Variants in LYSMD1 observed in about 807,000 individuals in gnomAD.
LYSMD1 encodes the protein LysM domain containing 1.
LYSMD1 carries 9 observed loss-of-function variants against 19.3 expected under a neutral mutation model. That is an observed-to-expected ratio of 0.47 (90% CI 0.28 to 0.81). The LOEUF is 0.81. Among genes scored for constraint, LYSMD1 ranks in the 40% least tolerant of loss-of-function variants. The pLI, the probability that LYSMD1 is intolerant of heterozygous loss-of-function variation, is 0.11. For synonymous variants in LYSMD1, 111 were observed against 111.7 expected (o/e 0.99, Z 0.04); for missense variants, 262 against 279.8 (o/e 0.94, Z 0.45).
the LYSMD1 span, among the ~76,000 whole-genome samples, chr1:151,148,774 A>G: frequency 6.6e-6 from 1 of 151,864 alleles, no homozygotes; most frequent in Non-Finnish European, 1.5e-5. Flanking sequence ...CAGCATGGAT[A>G]AAAAAAAGGT....
chr1:151,157,911 T>C (rs1683278421), downstream of LYSMD1, among the ~76,000 whole-genome samples: 1 of 152,226 alleles, frequency 6.6e-6, no homozygotes, highest in Non-Finnish European at 1.5e-5. Flanking sequence ...ATGAGTTGCG[T>C]TTGATCTTGG....
chr1:151,161,405 G>A (rs1477841048), intron 2 of LYSMD1, among the ~76,000 whole-genome samples: 2 of 152,026 alleles, frequency 1.3e-5, no homozygotes, highest in South Asian at 2.1e-4. Context: ...GCTGAGGCAG[G>A]AGAATGGCGT....
At chr1:151,158,626 A>G, downstream of LYSMD1, 4 of 1,334,040 alleles carry the variant, frequency 3.0e-6, no homozygotes, top group Non-Finnish European at 4.1e-6. Context: ...GGGAAAAGCC[A>G]TTTCTCTCTT....
Position 151,160,743 on chromosome 1 carries a change from C to A in LYSMD1, c.*139G>T, listed in dbSNP as rs1437287608. The A allele has an allele frequency of 9.2e-7, 1 of 1,090,372 alleles. No individual in the cohort carries two copies. The allele number at this position is 1,090,372 out of a possible 1,614,324, so 67.5% of individuals were successfully genotyped here. On this transcript the variant is annotated 3_prime_UTR_variant, in exon 3 of 3. Transcript: ENST00000368908. ...CTGCCCCAGGCCAAGGAATTTTTGGCAGACAAGGAGGCTGGGGAGGATGGC... is the reference window on the plus strand; with the variant it reads ...CTGCCCCAGGCCAAGGAATTTTTGGAAGACAAGGAGGCTGGGGAGGATGGC...
At chr1:151,158,097 G>A (rs1208637265), downstream of LYSMD1, among the ~76,000 whole-genome samples, 1 of 152,148 alleles carries the variant, frequency 6.6e-6, no homozygotes, top group Non-Finnish European at 1.5e-5. Context: ...GGCCGAGGTG[G>A]GCAGATCATG....
chr1:151,149,567 A>G, the LYSMD1 span, among the ~76,000 whole-genome samples: 6 of 151,952 alleles, frequency 3.9e-5, no homozygotes, highest in Non-Finnish European at 8.8e-5. Flanking sequence ...CTGGGCAACA[A>G]CAGTGAAACC....
chr1:151,159,155 C>G (rs587595300), downstream of LYSMD1: 71 of 1,614,210 alleles, frequency 4.4e-5, no homozygotes, highest in East Asian at 1.5e-3. Flanking sequence ...TTCTCTGACC[C>G]AGGTCTGCTC....
downstream of LYSMD1, chr1:151,159,344 A>G: frequency 7.8e-7 from 1 of 1,286,760 alleles, no homozygotes. Context: ...CCTGGCACTA[A>G]CACTTTTCAA....
downstream of LYSMD1, among the ~76,000 whole-genome samples, chr1:151,156,025 G>A (rs1057167733): frequency 1.0e-4 from 15 of 148,832 alleles, no homozygotes; most frequent in Admixed American, 8.7e-4. Flanking sequence ...ACTTGAACCC[G>A]GGAGGCAGAG....
chr1:151,165,697 A>C lies in LYSMD1; in HGVS notation c.-439T>G. 1.3e-6 allele frequency: 2 copies of C among 1,551,630 alleles called. No homozygotes were observed. The highest frequency in any genetic ancestry group is 1.7e-6 in the Non-Finnish European group (2 of 1,146,982). On this transcript the variant is annotated 5_prime_UTR_variant, in exon 1 of 3. Transcript: ENST00000368908. ...AACAAATCAGGCCCACCCCAGGTGA[A>C]CTGTCGCCGCAGACGAAGAGCGTGA...
chr1:151,165,896 A>AG lies in LYSMD1; in HGVS notation c.-639dup. Reference sequence around the variant, plus strand: ...ATCCAGTTGAGCGGCAAGGTCTTTGAGAAAAGACTTCATTTCCCAAAAGGC... The same window carrying AG: ...ATCCAGTTGAGCGGCAAGGTCTTTGAGGAAAAGACTTCATTTCCCAAAAGGC... On this transcript the variant is annotated 5_prime_UTR_variant, in exon 1 of 3. Coordinates refer to ENST00000368908, the MANE Select transcript of LYSMD1 (RefSeq NM_212551.5). 2 of 963,812 alleles carry AG rather than the reference A, an allele frequency of 2.1e-6. No individual in the cohort carries two copies. The highest frequency in any genetic ancestry group is 1.4e-5 in the South Asian group (1 of 70,694). The allele number at this position is 963,812 out of a possible 1,614,324, so 59.7% of individuals were successfully genotyped here. A position where few individuals can be genotyped will look rare whatever the true frequency, so the allele number is the denominator to read the frequency against.
At chr1:151,159,288 T>C, downstream of LYSMD1, 2 of 1,574,446 alleles carry the variant, frequency 1.3e-6, no homozygotes, top group Non-Finnish European at 1.7e-6. Flanking sequence ...CTTGACAAAA[T>C]GGTTGACTGA....
At position 151,159,864 on chromosome 1, in the gene LYSMD1, G is replaced by A. The variant is rs769552218; in HGVS notation, c.*1018C>T. 4 of 167,056 alleles carry A rather than the reference G, an allele frequency of 2.4e-5. No individual in the cohort carries two copies. The highest frequency in any genetic ancestry group is 5.8e-5 in the Non-Finnish European group (4 of 68,454). 10.3% of individuals were successfully genotyped at this position (167,056 alleles called of 1,614,324 possible). On this transcript the variant is annotated 3_prime_UTR_variant, in exon 3 of 3. Transcript: ENST00000368908. Reference sequence around the variant, plus strand: ...TCTCATCATTTCCAAACAGGAGACTGAGGCAGATTTCCATTATTACTGAGG... The same window carrying A: ...TCTCATCATTTCCAAACAGGAGACTAAGGCAGATTTCCATTATTACTGAGG...
In LYSMD1 at chr1:151,165,738, G is replaced by A. The variant is rs2101697891; in HGVS notation, c.-480C>T. 1.5e-5 allele frequency: 23 copies of A among 1,551,724 alleles called. No homozygotes were observed. The highest frequency in any genetic ancestry group is 2.0e-5 in the Non-Finnish European group (23 of 1,147,004). ...AAGAGCGTGAGGATTGCAAGAATTT[G>A]TAGTACACCTTCCACTCAGAGATCC... is the stretch of plus-strand genomic sequence containing the variant. On this transcript the variant is annotated 5_prime_UTR_variant, in exon 1 of 3. Coordinates refer to ENST00000368908, the MANE Select transcript of LYSMD1 (RefSeq NM_212551.5).
the LYSMD1 span, among the ~76,000 whole-genome samples, chr1:151,152,959 A>C: frequency 6.6e-6 from 1 of 152,198 alleles, no homozygotes; most frequent in African/African-American, 2.4e-5. Context: ...CAAAGTAGAA[A>C]TTGCTCAAAA....
downstream of LYSMD1, chr1:151,158,951 C>T: frequency 6.2e-7 from 1 of 1,614,256 alleles, no homozygotes; most frequent in Non-Finnish European, 8.5e-7. Flanking sequence ...AGTGAGCTGG[C>T]CCTGGCTACC....
chr1:151,153,935 AGAGT>A, the LYSMD1 span, among the ~76,000 whole-genome samples: 49 of 151,812 alleles, frequency 3.2e-4, no homozygotes, highest in Non-Finnish European at 5.9e-4. Context: ...CCTGGGCGAC[AGAGT>A]GAGACTCTGT....
the LYSMD1 span, among the ~76,000 whole-genome samples, chr1:151,150,736 C>CTTT: frequency 4.0e-5 from 5 of 125,120 alleles, no homozygotes; most frequent in East Asian, 2.1e-4. Flanking sequence ...CTTTTCTTTT[C>CTTT]TTTTTTTTTT....
At position 151,165,743 on chromosome 1, in the gene LYSMD1, A is replaced by G. The variant is rs767336208; in HGVS notation, c.-485T>C. ...CGTGAGGATTGCAAGAATTTGTAGT[A>G]CACCTTCCACTCAGAGATCCTCAAA... On this transcript the variant is annotated 5_prime_UTR_variant, in exon 1 of 3. Coordinates refer to ENST00000368908, the MANE Select transcript of LYSMD1 (RefSeq NM_212551.5). 214 of 1,551,590 alleles carry G rather than the reference A, an allele frequency of 1.4e-4. No homozygotes were observed. The highest frequency in any genetic ancestry group is 1.8e-4 in the Non-Finnish European group (202 of 1,147,008).
Sources: gnomAD v4.1 joint callset for allele counts (sites outside exome capture counted in the v4.1 genomes callset) on GRCh38, gnomAD v4.1.1 for gene constraint, MANE v1.5 for transcripts, NCBI Gene and HGNC (gene_info 2026-07-23, HGNC 2026-07-21) for gene names.